The following RNASE13 variants were observed in gnomAD, a reference collection of about 807,000 sequenced individuals.
RNASE13 encodes ribonuclease A family member 13 (inactive), also known as probable inactive ribonuclease-like protein 13.
For synonymous variants in RNASE13, 67 were observed against 71.6 expected, an observed-to-expected ratio of 0.94 and a Z score of 0.32; for missense variants, 188 against 192.8, an observed-to-expected ratio of 0.98 and a Z score of 0.15.
At position 21,033,585 on chromosome 14, in the gene RNASE13, G is replaced by A; in HGVS notation, c.*233C>T. On this transcript the variant is annotated 3_prime_UTR_variant, in exon 2 of 2. Coordinates refer to ENST00000382951, the MANE Select transcript of RNASE13 (RefSeq NM_001012264.4). ...GGTTTTACTGTCTCTGGGAGAGGAA[G>A]GATGATGAGGAGGTGGGGGCGAAGA... The A allele has an allele frequency of 3.5e-6, 2 of 575,386 alleles. No homozygotes were observed. The highest frequency in any genetic ancestry group is 6.2e-6 in the Non-Finnish European group (2 of 320,224). 35.6% of individuals were successfully genotyped at this position (575,386 alleles called of 1,614,324 possible).
At position 21,033,728 on chromosome 14, in the gene RNASE13, G is replaced by A. The variant is rs1324603633; in HGVS notation, c.*90C>T. The A allele has an allele frequency of 1.1e-6, 1 of 949,658 alleles. No homozygotes were observed. Among genetic ancestry groups the A allele is most frequent in the Non-Finnish European group, 1.7e-6 (1 of 578,002 alleles). The allele number at this position is 949,658 out of a possible 1,614,324, so 58.8% of individuals were successfully genotyped here. On this transcript the variant is annotated 3_prime_UTR_variant, in exon 2 of 2. Coordinates refer to ENST00000382951, the MANE Select transcript of RNASE13 (RefSeq NM_001012264.4). ...GGAGGGGACCCTGCCTGCCTCGTAA[G>A]TCAGGAAGGAAGTCTTGTTACAGGG...
rs1386644584 is a variant in RNASE13 at position 21,033,000 on chromosome 14, G to T, written c.*818C>A. ...CCGGGCCTGCCTCATTCGCTGCCTGGTCAGGGGCAGACTCTGGAGTCTGGG... is the reference window on the plus strand; with the variant it reads ...CCGGGCCTGCCTCATTCGCTGCCTGTTCAGGGGCAGACTCTGGAGTCTGGG... On this transcript the variant is annotated 3_prime_UTR_variant, in exon 2 of 2. Transcript: ENST00000382951. 1.1e-5 allele frequency: 5 copies of T among 455,884 alleles called. No homozygotes were observed. The highest frequency in any genetic ancestry group is 1.4e-4 in the East Asian group (2 of 14,386). 28.2% of individuals were successfully genotyped at this position (455,884 alleles called of 1,614,324 possible).
In RNASE13 at chr14:21,032,861, AG is replaced by A. The variant is rs1294344658; in HGVS notation, c.*956del. ...TATTTTGAATTGATTATGGGTTGACAGGAAGTTACAAAAAATGGTACAGAGG... is the reference window on the plus strand; with the variant it reads ...TATTTTGAATTGATTATGGGTTGACAGAAGTTACAAAAAATGGTACAGAGG... On this transcript the variant is annotated 3_prime_UTR_variant, in exon 2 of 2. Transcript: ENST00000382951. The A allele has an allele frequency of 1.8e-5, 8 of 440,316 alleles. No individual in the cohort carries two copies. Among genetic ancestry groups the A allele is most frequent in the Admixed American group, 1.0e-4 (4 of 39,018 alleles). The allele number at this position is 440,316 out of a possible 1,614,324, so 27.3% of individuals were successfully genotyped here.
chr14:21,033,614 G>T lies in RNASE13; in HGVS notation c.*204C>A. The T allele has an allele frequency of 3.3e-6, 2 of 598,650 alleles. No individual in the cohort carries two copies. The highest frequency in any genetic ancestry group is 5.6e-5 in the East Asian group (2 of 35,988). 37.1% of individuals were successfully genotyped at this position (598,650 alleles called of 1,614,324 possible). A position where few individuals can be genotyped will look rare whatever the true frequency, so the allele number is the denominator to read the frequency against. ...GATGAGGAGGTGGGGGCGAAGAGGG[G>T]GTAAACAAGCTGGAAAGAACCTAGA... is the stretch of plus-strand genomic sequence containing the variant. On this transcript the variant is annotated 3_prime_UTR_variant, in exon 2 of 2. Transcript: ENST00000382951.
At chr14:21,034,379 C>A in intron 1 of RNASE13, 83 bp from the exon 2 acceptor site, 1 of 896,142 alleles carries the variant, frequency 1.1e-6, no homozygotes, top group Admixed American at 2.5e-5. Flanking sequence ...CATTCCCAAC[C>A]CAACAGTACT....
chr14:21,034,272 G>T lies in RNASE13; in HGVS notation c.17C>A (p.Thr6Asn), dbSNP rs113995906. Residue 6 changes from threonine to asparagine, a missense_variant, in exon 2 of 2, where the codon ACC becomes AAC. By Grantham distance (65) the Thr-to-Asn change is moderately conservative. Coordinates refer to ENST00000382951, the MANE Select transcript of RNASE13 (RefSeq NM_001012264.4). ...AACAAGCTGGAGGAAAAGGAGCCGG[G>T]TCACAGCTGGTGCCATTCCTCCTGC... is the stretch of plus-strand genomic sequence containing the variant. MAPAV[T>N]RLLFLQLVLG... The T allele has an allele frequency of 1.2e-6, 2 of 1,611,734 alleles. No individual in the cohort carries two copies. The highest frequency in any genetic ancestry group is 2.7e-5 in the African/African-American group (2 of 74,964).
chr14:21,034,663 T>G lies in RNASE13; in HGVS notation c.-16A>C. 3 of 199,560 alleles carry G rather than the reference T, an allele frequency of 1.5e-5. No individual in the cohort carries two copies. The highest frequency in any genetic ancestry group is 1.2e-4 in the East Asian group (1 of 8,216). The allele number at this position is 199,560 out of a possible 1,614,324, so 12.4% of individuals were successfully genotyped here. On this transcript the variant is annotated 5_prime_UTR_variant, in exon 1 of 2. Coordinates refer to ENST00000382951, the MANE Select transcript of RNASE13 (RefSeq NM_001012264.4). ...AAGAAGGAGCAGGCTGACCTGACAA[T>G]TCTCTGGCAGCTGGGAGGAAGGACA...
rs1426627678 is a variant in RNASE13 at position 21,034,113 on chromosome 14, A to G, written c.176T>C (p.Met59Thr). ...RGYCNGLMSY[M>T]RGKMQNSDCP... ...ATCTGAATTTTGCATCTTGCCTCGC[A>G]TATAGGACATCAGACCATTACAATA... is the stretch of plus-strand genomic sequence containing the variant. The change falls in exon 2 of 2, where the codon ATG becomes ACG. Residue 59 changes from methionine (M) to threonine (T), a missense_variant. Coordinates refer to ENST00000382951, the MANE Select transcript of RNASE13 (RefSeq NM_001012264.4). 7.4e-6 allele frequency: 12 copies of G among 1,614,232 alleles called. No individual in the cohort carries two copies. Among genetic ancestry groups the G allele is most frequent in the South Asian group, 1.1e-5 (1 of 91,090 alleles).
rs1377560681 is a variant in RNASE13, at chr14:21,034,529, C to T, written c.-9+127G>A. 11 of 507,018 alleles carry T rather than the reference C, an allele frequency of 2.2e-5. No homozygotes were observed. In the East Asian group the frequency reaches 2.4e-4, roughly 11 times the overall value. The allele number at this position is 507,018 out of a possible 1,614,324, so 31.4% of individuals were successfully genotyped here. A position where few individuals can be genotyped will look rare whatever the true frequency, so the allele number is the denominator to read the frequency against. ...ACAGAATCTCAGCCTCTGCAGAGTC[C>T]GTGAGCTACATTTGCAGAATAAGAG... On this transcript the variant is annotated intron_variant, in intron 1 of 1. Transcript: ENST00000382951.
In RNASE13 at chr14:21,033,587, A is replaced by T. The variant is rs1214211797; in HGVS notation, c.*231T>A. The stretch of plus-strand genomic sequence containing the variant: ...TTTTACTGTCTCTGGGAGAGGAAGG[A>T]TGATGAGGAGGTGGGGGCGAAGAGG... On this transcript the variant is annotated 3_prime_UTR_variant, in exon 2 of 2. Transcript: ENST00000382951. The T allele has an allele frequency of 8.7e-6, 5 of 576,788 alleles. No homozygotes were observed. Among genetic ancestry groups the T allele is most frequent in the African/African-American group, 1.9e-5 (1 of 53,342 alleles). 35.7% of individuals were successfully genotyped at this position (576,788 alleles called of 1,614,324 possible).
chr14:21,034,446 G>T, intron 1 of RNASE13, 150 bp from the exon 2 acceptor site: 1 of 630,060 alleles, frequency 1.6e-6, no homozygotes, highest in South Asian at 2.0e-5. Context: ...GGAGATGCTT[G>T]CCCAAGGCCA....
At position 21,033,827 on chromosome 14, in the gene RNASE13, C is replaced by T. The variant is rs199616382; in HGVS notation, c.462G>A (p.Ser154=). ...ADPIGIAGLY[S]GI ...GGGAGTGGCTCAGGAATTAAATTCC[C>T]GAATAGAGACCAGCGATACCTATTG... The change falls in exon 2 of 2, where the codon TCG becomes TCA. Residue 154 remains serine (S), a synonymous_variant. Transcript: ENST00000382951. The T allele has an allele frequency of 8.1e-6, 13 of 1,603,684 alleles. No homozygotes were observed. The highest frequency in any genetic ancestry group is 3.3e-4 in the Middle Eastern group (2 of 6,032).
At position 21,032,936 on chromosome 14, in the gene RNASE13, T is replaced by C. The variant is rs3748346; in HGVS notation, c.*882A>G. The C allele has an allele frequency of 0.37, 168,928 of 455,582 alleles. 33,742 individuals carry two copies. Among genetic ancestry groups the C allele is most frequent in the African/African-American group, 0.58 (28,877 of 50,080 alleles). 28.2% of individuals were successfully genotyped at this position (455,582 alleles called of 1,614,324 possible). A position where few individuals can be genotyped will look rare whatever the true frequency, so the allele number is the denominator to read the frequency against. On this transcript the variant is annotated 3_prime_UTR_variant, in exon 2 of 2. Coordinates refer to ENST00000382951, the MANE Select transcript of RNASE13 (RefSeq NM_001012264.4). ...TTTCCCCCAATGGTTACATCTTACATACTCAGATGTGGTTTTAGAAATTTA... is the reference window on the plus strand; with the variant it reads ...TTTCCCCCAATGGTTACATCTTACACACTCAGATGTGGTTTTAGAAATTTA...
chr14:21,034,023 C>T lies in RNASE13; in HGVS notation c.266G>A (p.Ser89Asn). ...WKAIQKFCKY[S>N]DSFCENYNEY... ...ATTGTAATTCTCACAGAAGCTGTCA[C>T]TATACTTGCAGAACTTCTGGATGGC... The change falls in exon 2 of 2, where the codon AGT becomes AAT. Residue 89 changes from serine (S) to asparagine (N), a missense_variant. By Grantham distance (46) the Ser-to-Asn change is conservative. Transcript: ENST00000382951. 6.2e-7 allele frequency: 1 copy of T among 1,614,140 alleles called. No individual in the cohort carries two copies. Among genetic ancestry groups the T allele is most frequent in the East Asian group, 2.2e-5 (1 of 44,886 alleles).
chr14:21,034,337 A>C (rs1206700399), intron 1 of RNASE13, 41 bp from the exon 2 acceptor site: 1 of 1,403,190 alleles, frequency 7.1e-7, no homozygotes, highest in Admixed American at 1.9e-5. Flanking sequence ...GTGGGCCTGA[A>C]GTGGCTGTCT....
chr14:21,034,190 A>G lies in RNASE13; in HGVS notation c.99T>C (p.Tyr33=), dbSNP rs748525600. Residue 33 remains tyrosine (Y), a synonymous_variant, in exon 2 of 2, where the codon TAT becomes TAC. Coordinates refer to ENST00000382951, the MANE Select transcript of RNASE13 (RefSeq NM_001012264.4). ...CCCTGGGATAGTCAATGCTTAAGGT[A>G]TAGAAGTTCCTGCTGCCAATCTGCA... ...IKMQIGSRNF[Y]TLSIDYPRVN... is the part of the protein sequence containing the mutation. 5.6e-5 allele frequency: 90 copies of G among 1,613,934 alleles called. No homozygotes were observed. The highest frequency in any genetic ancestry group is 6.9e-5 in the Non-Finnish European group (82 of 1,179,930).
At position 21,033,710 on chromosome 14, in the gene RNASE13, A is replaced by C. The variant is rs761853336; in HGVS notation, c.*108T>G. 2.5e-6 allele frequency: 2 copies of C among 815,694 alleles called. No homozygotes were observed. The highest frequency in any genetic ancestry group is 4.3e-6 in the Non-Finnish European group (2 of 465,964). The allele number at this position is 815,694 out of a possible 1,614,324, so 50.5% of individuals were successfully genotyped here. ...CACCCACCTGGTCTCTTGGGAGGGG[A>C]CCCTGCCTGCCTCGTAAGTCAGGAA... On this transcript the variant is annotated 3_prime_UTR_variant, in exon 2 of 2. Coordinates refer to ENST00000382951, the MANE Select transcript of RNASE13 (RefSeq NM_001012264.4).
rs776353982 is a variant in RNASE13 at position 21,033,857 on chromosome 14, A to C, written c.432T>G (p.Ala144=). 1 of 1,613,866 alleles carries C rather than the reference A, an allele frequency of 6.2e-7. No individual in the cohort carries two copies. Among genetic ancestry groups the C allele is most frequent in the African/African-American group, 1.3e-5 (1 of 74,906 alleles). The part of the protein sequence containing the change: ...LYLLCSRKYE[A]DPIGIAGLYS... The stretch of plus-strand genomic sequence containing the variant: ...AGAGACCAGCGATACCTATTGGATC[A>C]GCTTCATACTTGCGGGAGCAGAGTA... Residue 144 remains alanine (A), a synonymous_variant, in exon 2 of 2, where the codon GCT becomes GCG. Transcript: ENST00000382951.
chr14:21,033,803 G>A lies in RNASE13; in HGVS notation c.*15C>T, dbSNP rs1884416604. 2.0e-6 allele frequency: 3 copies of A among 1,510,544 alleles called. No homozygotes were observed. Among genetic ancestry groups the A allele is most frequent in the Non-Finnish European group, 2.8e-6 (3 of 1,085,672 alleles). 93.6% of individuals were successfully genotyped at this position (1,510,544 alleles called of 1,614,324 possible). ...GCTGGCCTGTGGTGGTAGAGGTTGG[G>A]GAGTGGCTCAGGAATTAAATTCCCG... On this transcript the variant is annotated 3_prime_UTR_variant, in exon 2 of 2. Coordinates refer to ENST00000382951, the MANE Select transcript of RNASE13 (RefSeq NM_001012264.4).
Sources: allele counts gnomAD v4.1 joint callset, GRCh38; gene constraint gnomAD v4.1.1; transcripts MANE v1.5; gene names NCBI Gene and HGNC (gene_info 2026-07-23, HGNC 2026-07-21).